Variants in FGF2 observed in about 807,000 individuals in gnomAD.
FGF2 encodes the protein fibroblast growth factor 2.
In FGF2, 13 loss-of-function variants were observed where a neutral mutation model predicts 15.9. The observed-to-expected ratio is 0.82, with a 90% CI of 0.53 to 1.30. FGF2 has a LOEUF of 1.30. FGF2 is among the 50% of genes most tolerant of loss of function. The probability of loss-of-function intolerance (pLI) is 0.00; values close to 1 mark genes in which losing one functional copy is unlikely to be tolerated. For synonymous variants in FGF2, 90 were observed against 78.4 expected (o/e 1.15, Z -0.78); for missense variants, 163 against 196.9 (o/e 0.83, Z 1.03).
chr4:122,849,927 G>A (rs1726193678), intron 1 of FGF2, among the ~76,000 whole-genome samples: 1 of 152,190 alleles, frequency 6.6e-6, no homozygotes, highest in African/African-American at 2.4e-5. Context: ...AGAACATTGT[G>A]TATGTTGAAC....
At chr4:122,829,582 G>A (rs45465391) in intron 1 of FGF2, among the ~76,000 whole-genome samples, 6,032 of 152,166 alleles carry the variant, frequency 0.04, 260 homozygotes, top group African/African-American at 0.1. Flanking sequence ...TAGGGTTTTA[G>A]GGACCAGGTG....
Position 122,897,710 on chromosome 4 carries a change from A to T in FGF2, c.*5314A>T. ...TATAAAGTCAGAAAATAAAGTTAAC[A>T]TAACTTTCACTAACACACACATATG... On this transcript the variant is annotated 3_prime_UTR_variant, in exon 3 of 3. Coordinates refer to ENST00000644866, the MANE Select transcript of FGF2 (RefSeq NM_001361665.2). 7 of 1,429,494 alleles carry T rather than the reference A, an allele frequency of 4.9e-6. No homozygotes were observed. The highest frequency in any genetic ancestry group is 6.9e-6 in the Non-Finnish European group (7 of 1,011,582). The allele number at this position is 1,429,494 out of a possible 1,614,324, so 88.6% of individuals were successfully genotyped here.
chr4:122,850,790 T>C (rs1726214703), intron 1 of FGF2, among the ~76,000 whole-genome samples: 1 of 151,890 alleles, frequency 6.6e-6, no homozygotes, highest in African/African-American at 2.4e-5. Context: ...ACATGACCAG[T>C]TTTTTGTGGC....
Position 122,827,298 on chromosome 4 carries a change from C to A in FGF2, c.124C>A (p.Arg42Ser). Residue 42 changes from arginine to serine, a missense_variant, in exon 1 of 3, where the codon CGC becomes AGC. Transcript: ENST00000644866. This position sits in a 1 kb window ranked among gnomAD's most constrained non-coding sequence, Gnocchi z 4.2. ...CTGCAAAAACGGGGGCTTCTTCCTG[C>A]GCATCCACCCCGACGGCCGAGTTGA... ...LYCKNGGFFL[R>S]IHPDGRVDGV... 6.2e-7 allele frequency: 1 copy of A among 1,612,958 alleles called. No individual in the cohort carries two copies. Among genetic ancestry groups the A allele is most frequent in the South Asian group, 1.1e-5 (1 of 91,072 alleles).
chr4:122,871,034 G>A (rs868060858), intron 1 of FGF2, among the ~76,000 whole-genome samples: 10 of 151,992 alleles, frequency 6.6e-5, no homozygotes, highest in African/African-American at 2.2e-4. Flanking sequence ...CTTTGTTCTC[G>A]TTGTTTTCAA....
At chr4:122,828,253 T>A (rs1046739071) in intron 1 of FGF2, among the ~76,000 whole-genome samples, 2 of 152,174 alleles carry the variant, frequency 1.3e-5, no homozygotes, top group African/African-American at 4.8e-5. Flanking sequence ...TTCTAACATG[T>A]TCCCCGGGGA....
chr4:122,876,171 CCT>C (rs1428900483), intron 1 of FGF2, 148 bp from the exon 2 acceptor site: 4 of 691,804 alleles, frequency 5.8e-6, no homozygotes, highest in East Asian at 2.7e-5. Flanking sequence ...ACATCTGCTC[CCT>C]GTCACTCACC....
chr4:122,843,823 G>A (rs193047169), intron 1 of FGF2, among the ~76,000 whole-genome samples: 4 of 152,272 alleles, frequency 2.6e-5, no homozygotes, highest in Admixed American at 6.5e-5. Context: ...TATAAACTTC[G>A]TGAAAAGATA....
chr4:122,868,831 C>G (rs1726661946), intron 1 of FGF2, among the ~76,000 whole-genome samples: 1 of 152,100 alleles, frequency 6.6e-6, no homozygotes, highest in Non-Finnish European at 1.5e-5. Flanking sequence ...GAGATGGTAT[C>G]TCATTGTGGT....
intron 2 of FGF2, among the ~76,000 whole-genome samples, chr4:122,883,571 G>C (rs1023482832): frequency 6.6e-6 from 1 of 152,154 alleles, no homozygotes; most frequent in Admixed American, 6.5e-5. Context: ...TTGTTGCTAT[G>C]AGCAACAGAA....
Position 122,895,119 on chromosome 4 carries a change from AGTATGCGG to A in FGF2, c.*2725_*2732del, listed in dbSNP as rs1727310324. On this transcript the variant is annotated 3_prime_UTR_variant, in exon 3 of 3. Coordinates refer to ENST00000644866, the MANE Select transcript of FGF2 (RefSeq NM_001361665.2). ...GGCAAATAAGTGCTTTTGTCTCCAG[AGTATGCGG>A]GAGACCCTTCCACCTCAAGATGGAT... 1.3e-5 allele frequency: 2 copies of A among 152,212 alleles called. No homozygotes were observed. Among genetic ancestry groups the A allele is most frequent in the South Asian group, 4.1e-4 (2 of 4,836 alleles). 9.4% of individuals were successfully genotyped at this position (152,212 alleles called of 1,614,324 possible). A position where few individuals can be genotyped will look rare whatever the true frequency, so the allele number is the denominator to read the frequency against.
intron 1 of FGF2, among the ~76,000 whole-genome samples, chr4:122,847,222 T>TCTC (rs1439131895): frequency 6.6e-6 from 1 of 152,250 alleles, no homozygotes; most frequent in African/African-American, 2.4e-5. Flanking sequence ...ATGATGTATT[T>TCTC]ACTTTTCTAA....
chr4:122,841,403 A>G (rs1725981590), intron 1 of FGF2, among the ~76,000 whole-genome samples: 1 of 152,230 alleles, frequency 6.6e-6, no homozygotes, highest in Admixed American at 6.5e-5. Flanking sequence ...ATTCCGCACT[A>G]TTACATTTAA....
At chr4:122,849,116 A>G (rs1229280940) in intron 1 of FGF2, among the ~76,000 whole-genome samples, 2 of 152,186 alleles carry the variant, frequency 1.3e-5, no homozygotes, top group Admixed American at 1.3e-4. Context: ...AATCCTACCA[A>G]ATACATAGAC....
At chr4:122,849,285 G>A (rs1726178788) in intron 1 of FGF2, among the ~76,000 whole-genome samples, 1 of 152,182 alleles carries the variant, frequency 6.6e-6, no homozygotes, top group Non-Finnish European at 1.5e-5. Context: ...AAAAGGATGA[G>A]TTCATGTCCT....
At position 122,892,702 on chromosome 4, in the gene FGF2, A is replaced by G; in HGVS notation, c.*306A>G. ...GCTTTTAAAATGTGCATGTTTAGAA[A>G]CAAAATTTCTTCATGGAAATCATAT... On this transcript the variant is annotated 3_prime_UTR_variant, in exon 3 of 3. Coordinates refer to ENST00000644866, the MANE Select transcript of FGF2 (RefSeq NM_001361665.2). 1.5e-6 allele frequency: 2 copies of G among 1,357,190 alleles called. No individual in the cohort carries two copies. The highest frequency in any genetic ancestry group is 2.5e-5 in the East Asian group (1 of 39,660). The allele number at this position is 1,357,190 out of a possible 1,614,324, so 84.1% of individuals were successfully genotyped here.
chr4:122,839,073 C>T (rs1482227275), intron 1 of FGF2, among the ~76,000 whole-genome samples: 1 of 152,146 alleles, frequency 6.6e-6, no homozygotes, highest in Non-Finnish European at 1.5e-5. Context: ...GCTATACCAT[C>T]ATCTAGGATT....
At chr4:122,865,064 T>G (rs1399892813) in intron 1 of FGF2, among the ~76,000 whole-genome samples, 1 of 152,188 alleles carries the variant, frequency 6.6e-6, no homozygotes, top group Non-Finnish European at 1.5e-5. Context: ...AAATGTACAG[T>G]TTTTACATAT....
intron 1 of FGF2, among the ~76,000 whole-genome samples, chr4:122,838,290 A>G (rs947107355): frequency 6.6e-6 from 1 of 152,186 alleles, no homozygotes; most frequent in African/African-American, 2.4e-5. Context: ...GTGGTAGAGG[A>G]AGGGTCAGGT....
Sources: allele counts gnomAD v4.1 joint callset (sites outside exome capture counted in the v4.1 genomes callset), GRCh38; gene constraint gnomAD v4.1.1; non-coding constraint Gnocchi (gnomAD v3.1); transcripts MANE v1.5; gene names NCBI Gene and HGNC (gene_info 2026-07-23, HGNC 2026-07-21).